NAALADL2: variants seen among roughly 807,000 people sequenced by gnomAD.
NAALADL2 encodes the protein inactive N-acetylated-alpha-linked acidic dipeptidase-like protein 2.
Under a neutral mutation model 87.2 loss-of-function variants are expected in NAALADL2, and 76 were observed. The observed-to-expected ratio is 0.87, with a 90% CI of 0.72 to 1.05. The LOEUF (loss-of-function observed/expected upper bound fraction) is 1.05. Among genes scored for constraint, NAALADL2 ranks in the 50% least tolerant of loss-of-function variants. The pLI, the probability that NAALADL2 is intolerant of heterozygous loss-of-function variation, is 0.00. For missense variants in NAALADL2, 1,089 were observed against 945.8 expected (o/e 1.15, Z -1.99); for synonymous variants, 354 against 331.0 (o/e 1.07, Z -0.75).
At chr3:175,243,531 C>CTTTTTTTTT (rs3066298) in intron 3 of NAALADL2, among the ~76,000 whole-genome samples, 2 of 85,598 alleles carry the variant, frequency 2.3e-5, no homozygotes, top group African/African-American at 8.8e-5. Context: ...CACATCAGGA[C>CTTTTTTTTT]TTTTTTTTTT....
intron 1 of NAALADL2, among the ~76,000 whole-genome samples, chr3:174,884,287 G>T (rs879163407): frequency 7.9e-5 from 12 of 152,106 alleles, no homozygotes; most frequent in Admixed American, 1.3e-4. Flanking sequence ...TATGTTGGAC[G>T]CTGATTCAGA....
At chr3:175,161,176 T>G (rs568482880) in intron 2 of NAALADL2, among the ~76,000 whole-genome samples, 233 of 152,246 alleles carry the variant, frequency 1.5e-3, no homozygotes, top group African/African-American at 5.2e-3. Flanking sequence ...AGTAATGATT[T>G]AGGCATCATA....
At chr3:174,929,150 T>C (rs1736504576) in intron 1 of NAALADL2, among the ~76,000 whole-genome samples, 1 of 152,180 alleles carries the variant, frequency 6.6e-6, no homozygotes, top group African/African-American at 2.4e-5. Context: ...GCACAGTTTA[T>C]GCCAAAGCAC....
At chr3:175,517,714 AG>A (rs1220973501) in intron 9 of NAALADL2, among the ~76,000 whole-genome samples, 8 of 151,832 alleles carry the variant, frequency 5.3e-5, no homozygotes, top group Non-Finnish European at 1.0e-4. Context: ...ACACACAAGG[AG>A]TGAGTTTAGG....
intron 2 of NAALADL2, among the ~76,000 whole-genome samples, chr3:174,683,673 A>G (rs1727770132): frequency 1.3e-5 from 2 of 150,060 alleles, no homozygotes; most frequent in South Asian, 2.1e-4. Flanking sequence ...TGTGTAATGT[A>G]TATGTATTTT....
At chr3:175,445,754 T>C (rs916759460) in intron 5 of NAALADL2, among the ~76,000 whole-genome samples, 1 of 152,232 alleles carries the variant, frequency 6.6e-6, no homozygotes, top group East Asian at 1.9e-4. Flanking sequence ...AAGCTAATAA[T>C]TGTCTCCCTT....
At chr3:175,499,718 A>G (rs982783563) in intron 9 of NAALADL2, among the ~76,000 whole-genome samples, 7 of 152,016 alleles carry the variant, frequency 4.6e-5, no homozygotes, top group African/African-American at 1.2e-4. Context: ...AATTTTGCCA[A>G]TTTCATCAGT....
At chr3:175,220,337 G>A (rs1743173529) in intron 2 of NAALADL2, among the ~76,000 whole-genome samples, 1 of 151,648 alleles carries the variant, frequency 6.6e-6, no homozygotes, top group Non-Finnish European at 1.5e-5. Flanking sequence ...ACTGGGTTTG[G>A]AAAGTTTTTT....
chr3:175,031,215 T>G (rs947648251), intron 1 of NAALADL2, among the ~76,000 whole-genome samples: 5 of 152,000 alleles, frequency 3.3e-5, no homozygotes, highest in African/African-American at 9.7e-5. Flanking sequence ...GTTTGGGGTA[T>G]GATTGGTTTC....
intron 1 of NAALADL2, among the ~76,000 whole-genome samples, chr3:174,920,246 C>A (rs1560364904): frequency 6.6e-6 from 1 of 152,210 alleles, no homozygotes; most frequent in Non-Finnish European, 1.5e-5. Context: ...TCCTCTCTAG[C>A]TGTGAAAGTC....
intron 2 of NAALADL2, among the ~76,000 whole-genome samples, chr3:174,584,157 A>G (rs1716456214): frequency 6.6e-6 from 1 of 152,150 alleles, no homozygotes; most frequent in Non-Finnish European, 1.5e-5. Context: ...AGAAAGAATG[A>G]CTGGTAAAGG....
At chr3:175,318,479 A>AT (rs910385788) in intron 4 of NAALADL2, among the ~76,000 whole-genome samples, 6 of 151,974 alleles carry the variant, frequency 3.9e-5, no homozygotes, top group Non-Finnish European at 8.8e-5. Flanking sequence ...CGAAGTTTTT[A>AT]TTTTTTTCCT....
At chr3:174,896,426 C>T (rs375762367) in intron 1 of NAALADL2, among the ~76,000 whole-genome samples, 1 of 151,854 alleles carries the variant, frequency 6.6e-6, no homozygotes, top group African/African-American at 2.4e-5. Flanking sequence ...TTTACAATAG[C>T]CACACATAAA....
intron 5 of NAALADL2, among the ~76,000 whole-genome samples, chr3:175,430,164 AT>A (rs1477502288): frequency 9.9e-5 from 15 of 152,038 alleles, no homozygotes; most frequent in African/African-American, 3.4e-4. Context: ...CATCTTTAAT[AT>A]TCTGATTTTA....
chr3:174,983,349 A>G (rs1165801152), intron 1 of NAALADL2, among the ~76,000 whole-genome samples: 5 of 152,170 alleles, frequency 3.3e-5, no homozygotes, highest in African/African-American at 1.2e-4. Context: ...CTGGTGATTT[A>G]TGGCAGGGGA....
chr3:175,549,533 T>C (rs913056776), intron 9 of NAALADL2, among the ~76,000 whole-genome samples: 1 of 151,936 alleles, frequency 6.6e-6, no homozygotes, highest in Non-Finnish European at 1.5e-5. Flanking sequence ...CATGGCTCCA[T>C]GATAAGAGAT....
In NAALADL2 at chr3:175,347,245, G is replaced by A. The variant is rs375788088; in HGVS notation, c.1090+22920G>A. 5.9e-5 allele frequency among the ~76,000 whole-genome samples: 9 copies of A among 152,228 alleles called. No homozygotes were observed. The East Asian group carries it at 1.4e-3, about 23-fold the overall frequency. ...TCAAGTGGTGAATTCAGCCAAATAG[G>A]CCTTGAATTGTCTAATCTCTTTCCA... On this transcript the variant is annotated intron_variant, in intron 5 of 13. Transcript: ENST00000454872.
At chr3:174,896,769 A>G (rs1013620817) in intron 1 of NAALADL2, among the ~76,000 whole-genome samples, 2 of 152,242 alleles carry the variant, frequency 1.3e-5, no homozygotes, top group Non-Finnish European at 2.9e-5. Flanking sequence ...TCCTGACTTC[A>G]TATTACGATA....
At chr3:174,630,525 A>T (rs1722007711) in intron 2 of NAALADL2, among the ~76,000 whole-genome samples, 1 of 152,218 alleles carries the variant, frequency 6.6e-6, no homozygotes, top group South Asian at 2.1e-4. Context: ...TAAAATGTTC[A>T]AACATTTGCA....
Sources: gnomAD v4.1 joint callset for allele counts (sites outside exome capture counted in the v4.1 genomes callset) on GRCh38, gnomAD v4.1.1 for gene constraint, MANE v1.5 for transcripts, NCBI Gene and HGNC (gene_info 2026-07-23, HGNC 2026-07-21) for gene names.